MFSD11: variants seen among roughly 807,000 people sequenced by gnomAD.
MFSD11 encodes the protein major facilitator superfamily domain containing 11, also known as UNC93-like protein MFSD11.
In MFSD11, 36 loss-of-function variants were observed where a neutral mutation model predicts 53.5. The observed-to-expected ratio is 0.67, with a 90% CI of 0.52 to 0.89. The LOEUF is 0.89. Among genes scored for constraint, MFSD11 ranks in the 40% least tolerant of loss-of-function variants. The probability of loss-of-function intolerance (pLI) is 0.00; values close to 1 mark genes in which losing one functional copy is unlikely to be tolerated. For missense variants in MFSD11, 530 were observed against 543.9 expected, an observed-to-expected ratio of 0.97 and a Z score of 0.25; for synonymous variants, 186 against 184.9, an observed-to-expected ratio of 1.01 and a Z score of -0.05.
At chr17:76,758,886 C>T (rs759662015) in intron 8 of MFSD11, among the ~76,000 whole-genome samples, 1 of 152,060 alleles carries the variant, frequency 6.6e-6, no homozygotes, top group Non-Finnish European at 1.5e-5. Flanking sequence ...ACTTTTGACT[C>T]CCTCAATACT....
At chr17:76,803,581 C>T in the MFSD11 span, among the ~76,000 whole-genome samples, 305 of 152,242 alleles carry the variant, frequency 2.0e-3, no homozygotes, top group African/African-American at 6.8e-3. Flanking sequence ...CCACCCAGAT[C>T]GATAAAATGG....
chr17:76,740,168 C>T (rs1286682815), intron 2 of MFSD11, among the ~76,000 whole-genome samples: 3 of 87,692 alleles, frequency 3.4e-5, no homozygotes, highest in Non-Finnish European at 7.3e-5. Flanking sequence ...AGCGAGGCTC[C>T]GTCTCAAAAA....
At chr17:76,748,606 A>G in intron 7 of MFSD11, among the ~76,000 whole-genome samples, 1 of 151,744 alleles carries the variant, frequency 6.6e-6, no homozygotes, top group Non-Finnish European at 1.5e-5. Flanking sequence ...GGGAAGCTTC[A>G]GCAAAGGGAT....
the MFSD11 span, among the ~76,000 whole-genome samples, chr17:76,787,268 T>C: frequency 6.6e-6 from 1 of 151,476 alleles, no homozygotes; most frequent in African/African-American, 2.4e-5. Flanking sequence ...CCCGAGTAGC[T>C]GGGATTACAG....
At chr17:76,743,049 A>C (rs972673677) in intron 5 of MFSD11, among the ~76,000 whole-genome samples, 1 of 152,232 alleles carries the variant, frequency 6.6e-6, no homozygotes, top group Admixed American at 6.5e-5. Context: ...TAAATCATGG[A>C]TTTTTAGAAA....
downstream of MFSD11, among the ~76,000 whole-genome samples, chr17:76,783,705 C>T (rs961936093): frequency 6.6e-6 from 1 of 152,070 alleles, no homozygotes; most frequent in Non-Finnish European, 1.5e-5. Flanking sequence ...ATTACAGATG[C>T]CTGCCACCAC....
At chr17:76,761,648 C>T (rs1009184795) in intron 8 of MFSD11, among the ~76,000 whole-genome samples, 1 of 152,124 alleles carries the variant, frequency 6.6e-6, no homozygotes, top group Non-Finnish European at 1.5e-5. Flanking sequence ...ACTGGCCGGG[C>T]GCAGTGGCTC....
chr17:76,799,794 CACCTAAATATTCTAT>C, the MFSD11 span, among the ~76,000 whole-genome samples: 25 of 152,012 alleles, frequency 1.6e-4, no homozygotes, highest in African/African-American at 6.0e-4. Flanking sequence ...GCTTACAAGT[CACCTAAATATTCTAT>C]TAGGGGAAAA....
chr17:76,759,736 T>G (rs948988553), intron 8 of MFSD11, among the ~76,000 whole-genome samples: 1 of 140,778 alleles, frequency 7.1e-6, no homozygotes, highest in Non-Finnish European at 1.5e-5. Context: ...GGATTACAGG[T>G]GTGAGCCACC....
rs898410250 is a variant in MFSD11, at chr17:76,754,079, A to G, written c.674A>G (p.Asp225Gly). 3.1e-6 allele frequency: 5 copies of G among 1,612,920 alleles called. No individual in the cohort carries two copies. Among genetic ancestry groups the G allele is most frequent in the Non-Finnish European group, 4.2e-6 (5 of 1,179,140 alleles). Reference protein sequence around the residue: ...SAQNNLTKAVDAFKKSFKLCV... With the variant: ...SAQNNLTKAVGAFKKSFKLCV... ...CAGAACAATCTGACAAAGGCAGTAG[A>G]TGCTTTTAGTAAGTATTTTCTGTAT... The change falls in exon 8 of 13, where the codon GAT becomes GGT. Residue 225 changes from aspartate to glycine, a missense_variant. By Grantham distance (94) the Asp-to-Gly change is moderately conservative. Coordinates refer to ENST00000685175, the MANE Select transcript of MFSD11 (RefSeq NM_001242532.5).
intron 12 of MFSD11, among the ~76,000 whole-genome samples, chr17:76,777,573 CT>C (rs113484984): frequency 2.0e-5 from 3 of 151,010 alleles, no homozygotes; most frequent in East Asian, 1.9e-4. Context: ...TTTGTTTCCT[CT>C]TTTTTTTTCC....
At chr17:76,797,641 G>A in the MFSD11 span, among the ~76,000 whole-genome samples, 2 of 151,998 alleles carry the variant, frequency 1.3e-5, no homozygotes, top group Non-Finnish European at 2.9e-5. Context: ...CTCATCCTGT[G>A]ACTAAGAATG....
At chr17:76,764,836 C>T (rs2080672139) in intron 8 of MFSD11, among the ~76,000 whole-genome samples, 1 of 152,062 alleles carries the variant, frequency 6.6e-6, no homozygotes, top group Non-Finnish European at 1.5e-5. Context: ...ATTTTGAGGA[C>T]CTTCCATATT....
the MFSD11 span, among the ~76,000 whole-genome samples, chr17:76,800,146 G>C: frequency 6.6e-6 from 1 of 151,424 alleles, no homozygotes; most frequent in Non-Finnish European, 1.5e-5. Flanking sequence ...AGTAGAGACG[G>C]GTTTCACCAT....
rs766592458 is a variant in MFSD11 at position 76,776,381 on chromosome 17, C to T, written c.1050-25C>T. 1.9e-6 allele frequency: 3 copies of T among 1,610,416 alleles called. No homozygotes were observed. The highest frequency in any genetic ancestry group is 2.2e-5 in the South Asian group (2 of 90,506). Reference sequence around the variant, plus strand: ...ATGGCTCTAGCAGATATTGCTCATACTAAATTGATTTTTATTTTCTTCAGC... The same window carrying T: ...ATGGCTCTAGCAGATATTGCTCATATTAAATTGATTTTTATTTTCTTCAGC... On this transcript the variant is annotated intron_variant, in intron 11 of 12. Coordinates refer to ENST00000685175, the MANE Select transcript of MFSD11 (RefSeq NM_001242532.5). This position sits in a 1 kb window ranked among gnomAD's most constrained non-coding sequence, Gnocchi z 4.2.
chr17:76,737,209 A>G (rs1168819808), upstream of MFSD11: 3 of 1,483,446 alleles, frequency 2.0e-6, no homozygotes, highest in Admixed American at 2.4e-5. Context: ...CGGCTTCCTC[A>G]GCTCTGGGCG....
chr17:76,795,413 T>C, the MFSD11 span, among the ~76,000 whole-genome samples: 2 of 151,258 alleles, frequency 1.3e-5, no homozygotes, highest in Admixed American at 6.6e-5. Context: ...TGCTTGAACC[T>C]GGGAGATGGA....
Position 76,777,781 on chromosome 17 carries a change from A to G in MFSD11, c.1186-407A>G, listed in dbSNP as rs555532737. 3.9e-5 allele frequency among the ~76,000 whole-genome samples: 6 copies of G among 152,284 alleles called. No individual in the cohort carries two copies. The South Asian group carries it at 1.2e-3, about 32-fold the overall frequency. On this transcript the variant is annotated intron_variant, in intron 12 of 12. Transcript: ENST00000685175. ...ATTCTATTCATTTGTAATACAGACA[A>G]GTGTATTTCTTACTCTGTACATTCT... is the stretch of plus-strand genomic sequence containing the variant.
At chr17:76,742,897 G>A (rs1045766593) in intron 5 of MFSD11, among the ~76,000 whole-genome samples, 7 of 152,220 alleles carry the variant, frequency 4.6e-5, no homozygotes, top group African/African-American at 1.2e-4. Context: ...CTCATGAATC[G>A]CGCCTAAAAT....
Sources: gnomAD v4.1 joint callset for allele counts (sites outside exome capture counted in the v4.1 genomes callset) on GRCh38, gnomAD v4.1.1 for gene constraint, Gnocchi (gnomAD v3.1) non-coding constraint, MANE v1.5 for transcripts, NCBI Gene and HGNC (gene_info 2026-07-23, HGNC 2026-07-21) for gene names.